The following ANK3 variants were observed in gnomAD, a reference collection of about 807,000 sequenced individuals.
ANK3 encodes the protein ankyrin-3.
ANK3 carries 57 observed loss-of-function variants against 370.9 expected under a neutral mutation model. The observed-to-expected ratio is 0.15, with a 90% confidence interval of 0.12 to 0.19. The LOEUF is 0.19. Among genes scored for constraint, ANK3 ranks in the 10% least tolerant of loss-of-function variants. ANK3 has a pLI of 1.00. For synonymous variants in ANK3, 1,929 were observed against 1,946.3 expected (o/e 0.99, Z 0.23); for missense variants, 4,439 against 5,302.1 (o/e 0.84, Z 5.06).
chr10:60,527,009 A>G (rs965562173), intron 2 of ANK3, among the ~76,000 whole-genome samples: 1 of 152,176 alleles, frequency 6.6e-6, no homozygotes, highest in Non-Finnish European at 1.5e-5. Context: ...ACATACATGT[A>G]TACATCTAAT....
intron 16 of ANK3, among the ~76,000 whole-genome samples, chr10:60,190,213 C>T (rs181302074): frequency 2.0e-5 from 3 of 152,294 alleles, no homozygotes; most frequent in Admixed American, 2.0e-4. Context: ...GAAGGCATCA[C>T]ATGCTCTAAG....
intron 1 of ANK3, among the ~76,000 whole-genome samples, chr10:60,284,631 A>T (rs2098217569): frequency 6.6e-6 from 1 of 152,152 alleles, no homozygotes; most frequent in Non-Finnish European, 1.5e-5. Context: ...CATTGAATTA[A>T]CTATTTTAGG....
Position 60,086,677 on chromosome 10 carries a change from C to T in ANK3, c.3748G>A (p.Gly1250Arg). ...AAGTACAGCAGTGACTTAACCAAACCTGTAATGCTACAGAGAAGACGCAGA... is the reference window on the plus strand; with the variant it reads ...AAGTACAGCAGTGACTTAACCAAACTTGTAATGCTACAGAGAAGACGCAGA... ...PNLRLLCSIT[G>R]GTSPAQWEDI... is the part of the protein sequence containing the mutation. The change falls in exon 30 of 44, where the codon GGG (glycine) becomes AGG (arginine). Residue 1250 changes from glycine to arginine, a missense_variant and splice_region_variant. Coordinates refer to ENST00000280772, the MANE Select transcript of ANK3 (RefSeq NM_020987.5). The T allele has an allele frequency of 6.2e-7, 1 of 1,612,416 alleles. No individual in the cohort carries two copies.
chr10:60,552,660 A>C (rs756167720), intron 2 of ANK3, among the ~76,000 whole-genome samples: 2 of 152,236 alleles, frequency 1.3e-5, no homozygotes, highest in Admixed American at 6.5e-5. Context: ...GTAGTAATAA[A>C]GTGTAAATAA....
intron 1 of ANK3, among the ~76,000 whole-genome samples, chr10:60,634,717 C>T (rs189379603): frequency 2.5e-4 from 38 of 152,222 alleles, no homozygotes; most frequent in African/African-American, 8.9e-4. Flanking sequence ...TGGGTCCACG[C>T]TACCTTTATG....
chr10:60,476,240 T>A lies in ANK3; in HGVS notation c.96+138946A>T, dbSNP rs115225012. Among the ~76,000 whole-genome samples, 594 of 152,272 alleles carry A rather than the reference T, an allele frequency of 3.9e-3. 5 individuals are homozygous for A. Among genetic ancestry groups the A allele is most frequent in the Middle Eastern group, 0.027 (8 of 294 alleles). On this transcript the variant is annotated intron_variant, in intron 2 of 43. Transcript: ENST00000373827. ...CCAAATTTTTTCTCCAAAATCATGT[T>A]CATAATGAAGGAGTTAATAAAGTTG...
intron 2 of ANK3, among the ~76,000 whole-genome samples, chr10:60,396,922 A>T (rs1048542771): frequency 2.6e-5 from 4 of 152,214 alleles, no homozygotes; most frequent in Non-Finnish European, 5.9e-5. Context: ...TACAGTAAGG[A>T]TGAAGTGATT....
At chr10:60,221,460 A>G (rs1301985776) in intron 8 of ANK3, among the ~76,000 whole-genome samples, 1 of 152,128 alleles carries the variant, frequency 6.6e-6, no homozygotes, top group Non-Finnish European at 1.5e-5. Flanking sequence ...GAATATTATA[A>G]CGAACCTCTG....
chr10:60,331,140 G>A (rs2051168075), intron 1 of ANK3, among the ~76,000 whole-genome samples: 1 of 151,960 alleles, frequency 6.6e-6, no homozygotes. Context: ...TGGGGAGGGG[G>A]AGCATTAGGA....
chr10:60,279,690 G>T, intron 1 of ANK3, 51 bp from the exon 2 acceptor site: 1 of 1,348,864 alleles, frequency 7.4e-7, no homozygotes, highest in Non-Finnish European at 1.0e-6. Context: ...TAATATGCAT[G>T]TTTATAAACT....
At chr10:60,652,860 G>A (rs2078809563) in intron 1 of ANK3, among the ~76,000 whole-genome samples, 2 of 152,142 alleles carry the variant, frequency 1.3e-5, no homozygotes, top group South Asian at 4.1e-4. Flanking sequence ...GCTCTCTAGA[G>A]ACCAGATAGG....
At chr10:60,183,889 C>G (rs12249107) in intron 17 of ANK3, among the ~76,000 whole-genome samples, 15,499 of 149,412 alleles carry the variant, frequency 0.1, 982 homozygotes, top group African/African-American at 0.17. Context: ...TTATTTGAAA[C>G]AGAGAAAACA....
chr10:60,183,110 T>C (rs2096242854), intron 17 of ANK3, among the ~76,000 whole-genome samples: 1 of 147,092 alleles, frequency 6.8e-6, no homozygotes, highest in Non-Finnish European at 1.5e-5. Context: ...CTCAGCTGGC[T>C]TACCCACTCA....
chr10:60,090,398 C>A (rs1387854240), intron 28 of ANK3, among the ~76,000 whole-genome samples: 1 of 152,020 alleles, frequency 6.6e-6, no homozygotes, highest in Non-Finnish European at 1.5e-5. Flanking sequence ...CTATACAAAA[C>A]TGGAAACCCA....
chr10:60,590,426 G>C (rs1380216253), intron 2 of ANK3, among the ~76,000 whole-genome samples: 2 of 152,056 alleles, frequency 1.3e-5, no homozygotes, highest in Non-Finnish European at 2.9e-5. Context: ...TTCTTTATGA[G>C]GCTATTTGGG....
intron 2 of ANK3, among the ~76,000 whole-genome samples, chr10:60,475,267 A>G (rs760991952): frequency 1.4e-5 from 2 of 147,580 alleles, no homozygotes; most frequent in African/African-American, 2.4e-5. Context: ...AATCCTTATC[A>G]GAAAAATACA....
chr10:60,186,501 C>A (rs2096337752), intron 17 of ANK3: 1 of 620,572 alleles, frequency 1.6e-6, no homozygotes, highest in Admixed American at 2.1e-5. Context: ...AATGCCTGAG[C>A]CAGAGCAACT....
Position 60,130,412 on chromosome 10 carries a change from T to C in ANK3, c.2841+3859A>G, listed in dbSNP as rs377549200. On this transcript the variant is annotated intron_variant, in intron 25 of 43. Coordinates refer to ENST00000280772, the MANE Select transcript of ANK3 (RefSeq NM_020987.5). ...AGATCTACTCATTGAAAAAGAGAAG[T>C]GTATGAGAGTTCATTTTTACTCATT... Among the ~76,000 whole-genome samples, 640 of 152,280 alleles carry C rather than the reference T, an allele frequency of 4.2e-3. 2 individuals carry two copies. Among genetic ancestry groups the C allele is most frequent in the South Asian group, 8.7e-3 (42 of 4,828 alleles).
chr10:60,602,813 G>A (rs1194042637), intron 2 of ANK3, among the ~76,000 whole-genome samples: 1 of 151,876 alleles, frequency 6.6e-6, no homozygotes, highest in African/African-American at 2.4e-5. Flanking sequence ...AAATATACCT[G>A]GTGTTAGACC....
Sources: gnomAD v4.1 joint callset for allele counts (sites outside exome capture counted in the v4.1 genomes callset) on GRCh38, gnomAD v4.1.1 for gene constraint, MANE v1.5 for transcripts, NCBI Gene and HGNC (gene_info 2026-07-23, HGNC 2026-07-21) for gene names.